Variants in ZDHHC1 observed in about 807,000 individuals in gnomAD.
The protein encoded by ZDHHC1 is palmitoyltransferase ZDHHC1.
Under a neutral mutation model 46.9 loss-of-function variants are expected in ZDHHC1, and 45 were observed. The ratio of observed to expected loss-of-function variants is 0.96; its 90% CI spans 0.76 to 1.23. The LOEUF (loss-of-function observed/expected upper bound fraction) is 1.23. Ranked by LOEUF, ZDHHC1 falls within the 50% of genes most tolerant of loss-of-function variation. The probability of loss-of-function intolerance (pLI) is 0.00; values close to 1 mark genes in which losing one functional copy is unlikely to be tolerated. For synonymous variants in ZDHHC1, 291 were observed against 286.0 expected (o/e 1.02, Z -0.18); for missense variants, 649 against 670.8 (o/e 0.97, Z 0.36).
chr16:67,409,754 C>T (rs1021631511), intron 1 of ZDHHC1, among the ~76,000 whole-genome samples: 8 of 152,204 alleles, frequency 5.3e-5, no homozygotes, highest in East Asian at 3.8e-4. Context: ...TGTTCTCCAA[C>T]GACGTAGCCA....
intron 8 of ZDHHC1, among the ~76,000 whole-genome samples, chr16:67,397,632 T>C (rs2040457833): frequency 6.6e-6 from 1 of 152,076 alleles, no homozygotes; most frequent in Non-Finnish European, 1.5e-5. Flanking sequence ...CTTTGACGAC[T>C]GGATCACCCC....
chr16:67,394,634 G>A lies in ZDHHC1; in HGVS notation c.1425C>T (p.Gly475=), dbSNP rs1283070745. 1 of 1,202,032 alleles carries A rather than the reference G, an allele frequency of 8.3e-7. No individual in the cohort carries two copies. The highest frequency in any genetic ancestry group is 1.0e-6 in the Non-Finnish European group (1 of 969,700). The allele number at this position is 1,202,032 out of a possible 1,614,324, so 74.5% of individuals were successfully genotyped here. Residue 475 remains glycine (G), a synonymous_variant, in exon 12 of 12, where the codon GGC becomes GGT. Coordinates refer to ENST00000565726, the MANE Select transcript of ZDHHC1 (RefSeq NM_001323627.2). The part of the protein sequence containing the change: ...SPSSGEPRAP[G]GREAGLA ...GCTAAGCCAGACCAGCCTCCCGGCC[G>A]CCCGGCGCCCTGGGCTCGCCGCTGC...
At chr16:67,399,117 C>G (rs1267159243) in intron 5 of ZDHHC1, among the ~76,000 whole-genome samples, 173 bp from the exon 6 acceptor site, 1 of 152,124 alleles carries the variant, frequency 6.6e-6, no homozygotes, top group African/African-American at 2.4e-5. Flanking sequence ...GGTGGCCACC[C>G]CATCAGGCAG....
In ZDHHC1 at chr16:67,394,363, A is replaced by C; in HGVS notation, c.*247T>G. On this transcript the variant is annotated 3_prime_UTR_variant, in exon 12 of 12. Coordinates refer to ENST00000565726, the MANE Select transcript of ZDHHC1 (RefSeq NM_001323627.2). ...CCTCCCCGCCCCCGGTCCACTGGCC[A>C]GGGTCGGGCTTCTGGATGGCCCGTG... The C allele has an allele frequency of 5.4e-6, 1 of 186,694 alleles. No individual in the cohort carries two copies. The highest frequency in any genetic ancestry group is 1.1e-5 in the Non-Finnish European group (1 of 94,024). 11.6% of individuals were successfully genotyped at this position (186,694 alleles called of 1,614,324 possible). A position where few individuals can be genotyped will look rare whatever the true frequency, so the allele number is the denominator to read the frequency against.
At chr16:67,409,196 G>A (rs1958279984) in intron 1 of ZDHHC1, among the ~76,000 whole-genome samples, 1 of 152,008 alleles carries the variant, frequency 6.6e-6, no homozygotes, top group Admixed American at 6.6e-5. Flanking sequence ...TTACAGCCTT[G>A]GGGATGGCTC....
At position 67,401,220 on chromosome 16, in the gene ZDHHC1, G is replaced by A. The variant is rs1469582445; in HGVS notation, c.253-88C>T. 2.0e-6 allele frequency: 3 copies of A among 1,529,770 alleles called. No individual in the cohort carries two copies. The highest frequency in any genetic ancestry group is 1.3e-5 in the South Asian group (1 of 79,454). 94.8% of individuals were successfully genotyped at this position (1,529,770 alleles called of 1,614,324 possible). ...CAGCCAGAGAACTCCCCACTGCCAT[G>A]CCAGCCCGCTTTGTGCAGATTCTCT... is the stretch of plus-strand genomic sequence containing the variant. On this transcript the variant is annotated intron_variant, in intron 3 of 11. Coordinates refer to ENST00000565726, the MANE Select transcript of ZDHHC1 (RefSeq NM_001323627.2). The surrounding 1 kb of genome is among the most constrained non-coding windows in gnomAD (Gnocchi z 4.6).
chr16:67,396,396 T>A (rs1291232854), intron 8 of ZDHHC1: 1 of 151,750 alleles, frequency 6.6e-6, no homozygotes, highest in African/African-American at 2.4e-5. Context: ...CCGGGAGGGG[T>A]TGCCGGGAGC....
chr16:67,409,299 AC>A (rs980989238), intron 1 of ZDHHC1, among the ~76,000 whole-genome samples: 2 of 150,740 alleles, frequency 1.3e-5, no homozygotes, highest in Non-Finnish European at 2.9e-5. Context: ...AAATCAGGAT[AC>A]CCCCTGATAC....
chr16:67,399,677 C>T (rs549089681), intron 4 of ZDHHC1, among the ~76,000 whole-genome samples: 1 of 152,256 alleles, frequency 6.6e-6, no homozygotes, highest in African/African-American at 2.4e-5. Context: ...CCAGAGGCCG[C>T]AGGAGGGGTA....
chr16:67,401,126 C>T lies in ZDHHC1; in HGVS notation c.259G>A (p.Gly87Ser). The T allele has an allele frequency of 6.2e-7, 1 of 1,613,758 alleles. No homozygotes were observed. Among genetic ancestry groups the T allele is most frequent in the Non-Finnish European group, 8.5e-7 (1 of 1,179,956 alleles). ...HWVPAGYACMGAIFAGHLVVH... is the reference protein window; with the variant it reads ...HWVPAGYACMSAIFAGHLVVH... ...ACAAGGTGGCCAGCAAAGATGGCGCCCATGCACTGGCCCAGCAGGTTAAAG... is the reference window on the plus strand; with the variant it reads ...ACAAGGTGGCCAGCAAAGATGGCGCTCATGCACTGGCCCAGCAGGTTAAAG... Residue 87 changes from glycine to serine, a missense_variant, in exon 4 of 12, where the codon GGC becomes AGC. Coordinates refer to ENST00000565726, the MANE Select transcript of ZDHHC1 (RefSeq NM_001323627.2). The surrounding 1 kb of genome is among the most constrained non-coding windows in gnomAD (Gnocchi z 4.6).
At chr16:67,402,649 T>G (rs2040574369) in intron 3 of ZDHHC1, among the ~76,000 whole-genome samples, 1 of 150,862 alleles carries the variant, frequency 6.6e-6, no homozygotes, top group African/African-American at 2.5e-5. Flanking sequence ...TTTTTTGAGA[T>G]GGAGTCTCGC....
intron 3 of ZDHHC1, chr16:67,404,293 T>G (rs1376685669): frequency 6.0e-6 from 1 of 165,400 alleles, no homozygotes; most frequent in African/African-American, 2.4e-5. Context: ...GGCCTCTGCT[T>G]GCCCTCACAG....
rs1202743555 is a variant in ZDHHC1 at position 67,406,063 on chromosome 16, C to T, written c.252+137G>A. Reference sequence around the variant, plus strand: ...AGACAGGCTGGGAAGCAGCAAGTCCCCAGGACTGGGCCCACCCTGCTCCAC... The same window carrying T: ...AGACAGGCTGGGAAGCAGCAAGTCCTCAGGACTGGGCCCACCCTGCTCCAC... On this transcript the variant is annotated intron_variant, in intron 3 of 11. Coordinates refer to ENST00000565726, the MANE Select transcript of ZDHHC1 (RefSeq NM_001323627.2). This position sits in a 1 kb window ranked among gnomAD's most constrained non-coding sequence, Gnocchi z 4.1. 14 of 1,344,356 alleles carry T rather than the reference C, an allele frequency of 1.0e-5. No individual in the cohort carries two copies. The highest frequency in any genetic ancestry group is 1.3e-5 in the Non-Finnish European group (13 of 1,018,172). 83.3% of individuals were successfully genotyped at this position (1,344,356 alleles called of 1,614,324 possible).
chr16:67,412,035 C>G (rs1398173109), intron 1 of ZDHHC1, among the ~76,000 whole-genome samples: 1 of 152,026 alleles, frequency 6.6e-6, no homozygotes, highest in Non-Finnish European at 1.5e-5. Context: ...ATTGCTTGAA[C>G]CCGGGAGGCA....
chr16:67,395,409 C>A lies in ZDHHC1; in HGVS notation c.1010+75G>T, dbSNP rs1186320386. On this transcript the variant is annotated intron_variant, in intron 9 of 11. Coordinates refer to ENST00000565726, the MANE Select transcript of ZDHHC1 (RefSeq NM_001323627.2). Reference sequence around the variant, plus strand: ...TGACCCATGCCCCGACCTTAGCCTACCCCCTTCTCCTGCCTCGATGGCCCT... The same window carrying A: ...TGACCCATGCCCCGACCTTAGCCTAACCCCTTCTCCTGCCTCGATGGCCCT... 1.2e-5 allele frequency: 18 copies of A among 1,541,740 alleles called. No homozygotes were observed. In the Admixed American group the frequency reaches 3.0e-4, roughly 25 times the overall value.
chr16:67,398,613 T>C lies in ZDHHC1; in HGVS notation c.774A>G (p.Thr258=). The C allele has an allele frequency of 1.2e-6, 2 of 1,606,262 alleles. No homozygotes were observed. The highest frequency in any genetic ancestry group is 1.7e-6 in the Non-Finnish European group (2 of 1,177,364). Residue 258 remains threonine (T), a synonymous_variant, in exon 7 of 12, where the codon ACA becomes ACG. Coordinates refer to ENST00000565726, the MANE Select transcript of ZDHHC1 (RefSeq NM_001323627.2). ...ALLILLGLLS[T]ALLGHLLCFH... is the part of the protein sequence containing the mutation. ...AGCAGAGCAGGTGCCCCAGGAGGGC[T>C]GTGGACAGGAGGCCCAGAAGGATGA...
rs1352240680 is a variant in ZDHHC1, at chr16:67,401,131, C to T, written c.254G>A (p.Cys85Tyr). The change falls in exon 4 of 12, where the codon TGC (cysteine) becomes TAC (tyrosine). Residue 85 changes from cysteine to tyrosine, a missense_variant and splice_region_variant. Coordinates refer to ENST00000565726, the MANE Select transcript of ZDHHC1 (RefSeq NM_001323627.2). This position sits in a 1 kb window ranked among gnomAD's most constrained non-coding sequence, Gnocchi z 4.6. ...GTGGCCAGCAAAGATGGCGCCCATG[C>T]ACTGGCCCAGCAGGTTAAAGACTCA... ...PHHWVPAGYA[C>Y]MGAIFAGHLV... The T allele has an allele frequency of 6.2e-7, 1 of 1,613,412 alleles. No individual in the cohort carries two copies. The highest frequency in any genetic ancestry group is 8.5e-7 in the Non-Finnish European group (1 of 1,179,894).
intron 1 of ZDHHC1, among the ~76,000 whole-genome samples, chr16:67,409,938 CAAG>C (rs2040723896): frequency 1.5e-5 from 2 of 135,456 alleles, no homozygotes; most frequent in South Asian, 4.4e-4. Flanking sequence ...GCAGCCCATG[CAAG>C]GGCCAGCCAT....
chr16:67,399,222 C>A, intron 5 of ZDHHC1, 133 bp downstream of exon 5: 1 of 868,970 alleles, frequency 1.2e-6, no homozygotes, highest in African/African-American at 1.7e-5. Context: ...CTGGGCAGCA[C>A]CCCCGCATAA....
Sources: allele counts gnomAD v4.1 joint callset (sites outside exome capture counted in the v4.1 genomes callset), GRCh38; gene constraint gnomAD v4.1.1; non-coding constraint Gnocchi (gnomAD v3.1); transcripts MANE v1.5; gene names NCBI Gene and HGNC (gene_info 2026-07-23, HGNC 2026-07-21).